Variants in TP73 observed in about 807,000 individuals in gnomAD.
TP73 encodes the protein tumor protein p73.
In TP73, 25 loss-of-function variants were observed where a neutral mutation model predicts 62.5. The observed-to-expected ratio is 0.40, with a 90% CI of 0.29 to 0.56. TP73 has a LOEUF of 0.56. Ranked by LOEUF, TP73 falls within the 20% of genes least tolerant of loss-of-function variation. The pLI is 0.46. For synonymous variants in TP73, 423 were observed against 377.5 expected, an observed-to-expected ratio of 1.12 and a Z score of -1.40; for missense variants, 754 against 913.3, an observed-to-expected ratio of 0.83 and a Z score of 2.25.
At chr1:3,683,957 G>C (rs1206366082) in intron 3 of TP73, among the ~76,000 whole-genome samples, 1 of 152,248 alleles carries the variant, frequency 6.6e-6, no homozygotes, top group Non-Finnish European at 1.5e-5. Context: ...ATCTTGGCAG[G>C]CTCCCCCATT....
chr1:3,718,228 G>A (rs1640772109), intron 4 of TP73, among the ~76,000 whole-genome samples: 1 of 152,140 alleles, frequency 6.6e-6, no homozygotes, highest in Non-Finnish European at 1.5e-5. Context: ...GGGCGGGGCG[G>A]GGCATCCACA....
At chr1:3,700,725 G>A (rs1226672708) in intron 3 of TP73, among the ~76,000 whole-genome samples, 1 of 151,708 alleles carries the variant, frequency 6.6e-6, no homozygotes, top group East Asian at 1.9e-4. Context: ...AAGTTGCAGT[G>A]AGCCGAGATC....
At chr1:3,654,167 CTG>C (rs914552199) in intron 1 of TP73, among the ~76,000 whole-genome samples, 9 of 152,148 alleles carry the variant, frequency 5.9e-5, no homozygotes, top group South Asian at 4.1e-4. Flanking sequence ...GAGCAAGACT[CTG>C]TCTCAAAAAA....
chr1:3,692,208 G>A (rs1238198016), intron 3 of TP73, among the ~76,000 whole-genome samples: 1 of 152,104 alleles, frequency 6.6e-6, no homozygotes, highest in African/African-American at 2.4e-5. Context: ...TGTGTGTTGC[G>A]ATGGATACAT....
At chr1:3,669,300 T>G (rs11801431) in intron 1 of TP73, among the ~76,000 whole-genome samples, 16,043 of 152,188 alleles carry the variant, frequency 0.11, 1,069 homozygotes, top group African/African-American at 0.18. Context: ...GGAGGCGGCT[T>G]GGAAATGCAG....
At chr1:3,698,009 G>C (rs1213734084) in intron 3 of TP73, 1 of 916,950 alleles carries the variant, frequency 1.1e-6, no homozygotes, top group Non-Finnish European at 1.3e-6. Context: ...CATAATTCAA[G>C]TTCTCGGCTC....
chr1:3,719,106 C>A (rs2124463346), intron 4 of TP73, among the ~76,000 whole-genome samples: 1 of 152,252 alleles, frequency 6.6e-6, no homozygotes, highest in South Asian at 2.1e-4. Context: ...AGACTCTGAC[C>A]TGAGCCACCC....
In TP73 at chr1:3,725,222, C is replaced by G. The variant is rs866582893; in HGVS notation, c.732+1753C>G. Among the ~76,000 whole-genome samples the G allele has an allele frequency of 8.5e-5, 13 of 152,080 alleles. No homozygotes were observed. In the South Asian group the frequency reaches 1.0e-3, roughly 12 times the overall value. On this transcript the variant is annotated intron_variant, in intron 6 of 13. Coordinates refer to ENST00000378295, the MANE Select transcript of TP73 (RefSeq NM_005427.4). ...CCAGCATCTGGGCTTGACCTCCAGC[C>G]TGTGTCAGGGGAGAAGGTTGGGGCA...
intron 4 of TP73, among the ~76,000 whole-genome samples, chr1:3,717,318 C>CG (rs1640687674): frequency 6.6e-6 from 1 of 151,930 alleles, no homozygotes; most frequent in Non-Finnish European, 1.5e-5. Context: ...TGTACTGGGG[C>CG]GGGGGAGGAG....
chr1:3,693,573 G>A (rs891912772), intron 3 of TP73, among the ~76,000 whole-genome samples: 2 of 152,158 alleles, frequency 1.3e-5, no homozygotes, highest in Non-Finnish European at 1.5e-5. Context: ...TGATGAGGAC[G>A]GTGTTCACCG....
Position 3,723,351 on chromosome 1 carries a change from C to CA in TP73, c.617-2dup. On this transcript the variant is annotated splice_region_variant and splice_polypyrimidine_tract_variant and intron_variant, in intron 5 of 13. Transcript: ENST00000378295. ...TCTCTGAAGTGTCGACCCCTCCCGG[C>CA]AGGACAGTCTGCTCCAGCCAGCCAC... The CA allele has an allele frequency of 6.2e-7, 1 of 1,611,880 alleles. No homozygotes were observed. The highest frequency in any genetic ancestry group is 8.5e-7 in the Non-Finnish European group (1 of 1,179,262).
At position 3,715,742 on chromosome 1, in the gene TP73, C is replaced by T. The variant is rs531715015; in HGVS notation, c.430-6279C>T. Among the ~76,000 whole-genome samples the T allele has an allele frequency of 3.3e-5, 5 of 152,212 alleles. No homozygotes were observed. In the East Asian group the frequency reaches 9.6e-4, roughly 29 times the overall value. ...CTCGCAGCCTCCCCCAACACTAGGC[C>T]CCTCTTATCTCCTCTGCCTGTGGCC... On this transcript the variant is annotated intron_variant, in intron 4 of 13. Transcript: ENST00000378295.
intron 3 of TP73, among the ~76,000 whole-genome samples, chr1:3,702,124 C>T (rs1193082280): frequency 2.0e-5 from 3 of 152,334 alleles, no homozygotes; most frequent in Non-Finnish European, 4.4e-5. Flanking sequence ...ATCACCGTCC[C>T]CAGCTTGGCC....
chr1:3,721,045 C>T (rs1257636162), intron 4 of TP73, among the ~76,000 whole-genome samples: 1 of 152,226 alleles, frequency 6.6e-6, no homozygotes, highest in Non-Finnish European at 1.5e-5. Flanking sequence ...TTCCTGATGG[C>T]CCTTTGGGGA....
In TP73 at chr1:3,666,724, C is replaced by T. The variant is rs1279595632; in HGVS notation, c.-34+14083C>T. Among the ~76,000 whole-genome samples, 3 of 152,072 alleles carry T rather than the reference C, an allele frequency of 2.0e-5. No individual in the cohort carries two copies. Among genetic ancestry groups the T allele is most frequent in the Non-Finnish European group, 4.4e-5 (3 of 68,028 alleles). On this transcript the variant is annotated intron_variant, in intron 1 of 13. Coordinates refer to ENST00000378295, the MANE Select transcript of TP73 (RefSeq NM_005427.4). The surrounding 1 kb of genome is among the most constrained non-coding windows in gnomAD (Gnocchi z 6.4). The stretch of plus-strand genomic sequence containing the variant: ...AAACCGTCCCAGAAGCCCTTCAGCT[C>T]GGAAGTGAGTAAGCATTGGCGGTGG...
chr1:3,692,030 G>A (rs751035), intron 3 of TP73, among the ~76,000 whole-genome samples: 2,218 of 152,282 alleles, frequency 0.015, 46 homozygotes, highest in African/African-American at 0.043. Context: ...ATACGCAGGC[G>A]AGGATATGTG....
rs769447479 is a variant in TP73 at position 3,729,499 on chromosome 1, A to T, written c.1196+51A>T. On this transcript the variant is annotated intron_variant, in intron 10 of 13. Transcript: ENST00000378295. ...GTGTGGGGAAGGAGGACATGGCTTAACCCCCCAGGAGAAGGCCAGGAGGAC... is the reference window on the plus strand; with the variant it reads ...GTGTGGGGAAGGAGGACATGGCTTATCCCCCCAGGAGAAGGCCAGGAGGAC... 3 of 1,609,592 alleles carry T rather than the reference A, an allele frequency of 1.9e-6. No homozygotes were observed. The African/African-American group carries it at 4.0e-5, about 22-fold the overall frequency.
At chr1:3,695,927 G>C (rs547027485) in intron 3 of TP73, among the ~76,000 whole-genome samples, 1 of 152,262 alleles carries the variant, frequency 6.6e-6, no homozygotes, top group East Asian at 1.9e-4. Flanking sequence ...TGGATATGAG[G>C]GAAGGGGTGG....
rs981805028 is a variant in TP73, at chr1:3,696,382, T to C, written c.187-11167T>C. 1.3e-5 allele frequency among the ~76,000 whole-genome samples: 2 copies of C among 151,658 alleles called. No homozygotes were observed. The highest frequency in any genetic ancestry group is 2.9e-5 in the Non-Finnish European group (2 of 67,948). ...GGGGCCACACTGGCAGGAGCGGCCA[T>C]GTGGACACTCAGTTGCTGGTGTGGG... is the stretch of plus-strand genomic sequence containing the variant. On this transcript the variant is annotated intron_variant, in intron 3 of 13. Transcript: ENST00000378295. This position sits in a 1 kb window ranked among gnomAD's most constrained non-coding sequence, Gnocchi z 4.1.
Sources: gnomAD v4.1 joint callset for allele counts (sites outside exome capture counted in the v4.1 genomes callset) on GRCh38, gnomAD v4.1.1 for gene constraint, Gnocchi (gnomAD v3.1) non-coding constraint, MANE v1.5 for transcripts, NCBI Gene and HGNC (gene_info 2026-07-23, HGNC 2026-07-21) for gene names.